KMT2A: variants seen among roughly 807,000 people sequenced by gnomAD.
KMT2A encodes lysine methyltransferase 2A.
Under a neutral mutation model 345.3 loss-of-function variants are expected in KMT2A, and 16 were observed. The observed-to-expected ratio is 0.05, with a 90% CI of 0.03 to 0.07. The LOEUF (loss-of-function observed/expected upper bound fraction) is 0.07, where lower values mean the gene tolerates loss of function less well. Among genes scored for constraint, KMT2A ranks in the 10% least tolerant of loss-of-function variants. The probability of loss-of-function intolerance (pLI) is 1.00; values close to 1 mark genes in which losing one functional copy is unlikely to be tolerated. For synonymous variants in KMT2A, 1,599 were observed against 1,778.6 expected (o/e 0.90, Z 2.54); for missense variants, 3,272 against 4,841.6 (o/e 0.68, Z 9.62).
At chr11:118,486,107 T>C (rs1169362577) in intron 10 of KMT2A, among the ~76,000 whole-genome samples, 1 of 152,042 alleles carries the variant, frequency 6.6e-6, no homozygotes, top group Non-Finnish European at 1.5e-5. Flanking sequence ...GTGTAGGGCA[T>C]ATATAATGGC....
intron 31 of KMT2A, among the ~76,000 whole-genome samples, chr11:118,515,777 C>T (rs1009042332): frequency 6.6e-6 from 1 of 151,180 alleles, no homozygotes; most frequent in African/African-American, 2.4e-5. Flanking sequence ...CAACCTCCGC[C>T]TCCCGGGTTC....
intron 24 of KMT2A, 133 bp from the exon 25 acceptor site, chr11:118,500,854 G>T: frequency 1.7e-6 from 1 of 578,218 alleles, no homozygotes. Flanking sequence ...TCTATACTAA[G>T]AACCCATAAA....
rs1951045428 is a variant in KMT2A at position 118,524,765 on chromosome 11, G to A, written c.*2593G>A. 5.5e-6 allele frequency: 1 copy of A among 181,376 alleles called. No individual in the cohort carries two copies. Among genetic ancestry groups the A allele is most frequent in the South Asian group, 2.0e-4 (1 of 5,078 alleles). The allele number at this position is 181,376 out of a possible 1,614,324, so 11.2% of individuals were successfully genotyped here. A position where few individuals can be genotyped will look rare whatever the true frequency, so the allele number is the denominator to read the frequency against. On this transcript the variant is annotated 3_prime_UTR_variant, in exon 36 of 36. Transcript: ENST00000534358. ...TACTGAAATGATTAATGCACTGATG[G>A]GTCCTGAATTCACCTTGAGAAAGAC...
At chr11:118,518,087 T>G (rs1346182170) in intron 31 of KMT2A, among the ~76,000 whole-genome samples, 1 of 152,210 alleles carries the variant, frequency 6.6e-6, no homozygotes, top group African/African-American at 2.4e-5. Flanking sequence ...ACAATTACAC[T>G]TATGAAATGG....
intron 8 of KMT2A, 97 bp downstream of exon 8, chr11:118,482,592 T>C (rs1555039670): frequency 1.8e-5 from 16 of 878,526 alleles, no homozygotes; most frequent in Non-Finnish European, 2.0e-5. Flanking sequence ...GGCAGTGGAA[T>C]TTCTTAAAAT....
Position 118,506,629 on chromosome 11 carries a change from C to G in KMT2A, c.10737C>G (p.Ser3579=). ...EAHIPDQETT[S]LTSGTGTPGA... is the part of the protein sequence containing the mutation. ...ACATTCCAGACCAAGAAACGACATC[C>G]CTGACCTCAGGCACAGGGTGAGAGA... Residue 3579 remains serine (S), a synonymous_variant, in exon 27 of 36, where the codon TCC becomes TCG. Transcript: ENST00000534358. 1 of 1,602,894 alleles carries G rather than the reference C, an allele frequency of 6.2e-7. No homozygotes were observed. The highest frequency in any genetic ancestry group is 8.5e-7 in the Non-Finnish European group (1 of 1,173,294).
chr11:118,500,847 A>C, intron 24 of KMT2A, 140 bp from the exon 25 acceptor site: 2 of 539,764 alleles, frequency 3.7e-6, no homozygotes, highest in African/African-American at 3.7e-5. Flanking sequence ...AGGGGAATCT[A>C]TACTAAGAAC....
chr11:118,522,701 A>G lies in KMT2A; in HGVS notation c.*529A>G, dbSNP rs1158791694. On this transcript the variant is annotated 3_prime_UTR_variant, in exon 36 of 36. Transcript: ENST00000534358. The surrounding 1 kb of genome is among the most constrained non-coding windows in gnomAD (Gnocchi z 5.4). ...CTACTATCCTCCCACTCGAGAGTTC[A>G]CTTCTGGTTGGGAGACAGGATTCCT... 15 of 216,584 alleles carry G rather than the reference A, an allele frequency of 6.9e-5. No individual in the cohort carries two copies. Among genetic ancestry groups the G allele is most frequent in the Admixed American group, 2.3e-4 (4 of 17,708 alleles). 13.4% of individuals were successfully genotyped at this position (216,584 alleles called of 1,614,324 possible).
rs1186580008 is a variant in KMT2A at position 118,504,279 on chromosome 11, G to A, written c.8387G>A (p.Gly2796Glu). 1 of 1,614,078 alleles carries A rather than the reference G, an allele frequency of 6.2e-7. No individual in the cohort carries two copies. The highest frequency in any genetic ancestry group is 8.5e-7 in the Non-Finnish European group (1 of 1,180,032). Residue 2796 changes from glycine (G) to glutamate (E), a missense_variant, in exon 27 of 36, where the codon GGA becomes GAA. Coordinates refer to ENST00000534358, the MANE Select transcript of KMT2A (RefSeq NM_001197104.2). This position sits in a 1 kb window ranked among gnomAD's most constrained non-coding sequence, Gnocchi z 6.4. Reference protein sequence around the residue: ...CHSVSRVKTQGQDSLEAQLSS... With the variant: ...CHSVSRVKTQEQDSLEAQLSS... The stretch of plus-strand genomic sequence containing the variant: ...TCTGTAAGCAGAGTTAAAACACAGG[G>A]ACAAGATTCCTTGGAAGCTCAGCTC...
chr11:118,487,662 T>C (rs1298350761), intron 10 of KMT2A, among the ~76,000 whole-genome samples: 1 of 152,196 alleles, frequency 6.6e-6, no homozygotes, highest in Non-Finnish European at 1.5e-5. Context: ...CTAAATATTT[T>C]AGTGTATATT....
rs202080031 is a variant in KMT2A, at chr11:118,462,312, T to TTTTTGTTTTG, written c.433-6438_433-6429dup. 2.2e-3 allele frequency among the ~76,000 whole-genome samples: 341 copies of TTTTTGTTTTG among 152,144 alleles called. 1 individual carries two copies. The highest frequency in any genetic ancestry group is 7.9e-3 in the African/African-American group (326 of 41,508). On this transcript the variant is annotated intron_variant, in intron 1 of 35. Coordinates refer to ENST00000534358, the MANE Select transcript of KMT2A (RefSeq NM_001197104.2). ...TTTCTCAACTTGGCTTTACTTAGTT[T>TTTTTGTTTTG]TTTTGTTTTGTTTTGTTTTGTTTTG...
intron 23 of KMT2A, 147 bp from the exon 24 acceptor site, chr11:118,499,688 A>C (rs782003557): frequency 1.8e-5 from 12 of 658,528 alleles, no homozygotes; most frequent in Non-Finnish European, 2.9e-5. Context: ...GCTGAGGCAC[A>C]GGAATCACTT....
rs111321181 is a variant in KMT2A, at chr11:118,473,337, A to G, written c.2178A>G (p.Thr726=). The change falls in exon 3 of 36, where the codon ACA becomes ACG. Residue 726 remains threonine (T), a synonymous_variant. Transcript: ENST00000534358. The surrounding 1 kb of genome is among the most constrained non-coding windows in gnomAD (Gnocchi z 5.2). Reference sequence around the variant, plus strand: ...CTAGTAATCGAACTTCTGCTGGAACATCTTCTTCAGGAGTATCCAATAGAA... The same window carrying G: ...CTAGTAATCGAACTTCTGCTGGAACGTCTTCTTCAGGAGTATCCAATAGAA... ...TLPSNRTSAG[T]SSSGVSNRKR... The G allele has an allele frequency of 3.1e-6, 5 of 1,613,990 alleles. No homozygotes were observed. Among genetic ancestry groups the G allele is most frequent in the African/African-American group, 2.7e-5 (2 of 74,998 alleles).
chr11:118,475,795 G>C (rs782603151), intron 3 of KMT2A, among the ~76,000 whole-genome samples: 1 of 152,196 alleles, frequency 6.6e-6, no homozygotes, highest in Non-Finnish European at 1.5e-5. Flanking sequence ...TCTGCCAGTT[G>C]AGAATTGTAG....
Position 118,526,247 on chromosome 11 carries a change from C to T in KMT2A, c.*4075C>T. On this transcript the variant is annotated 3_prime_UTR_variant, in exon 36 of 36. Coordinates refer to ENST00000534358, the MANE Select transcript of KMT2A (RefSeq NM_001197104.2). ...GATTTTTTTCTGCCCATGAATGTTG[C>T]CAGTCAGTACCTGTCCTCCTTGTTT... The T allele has an allele frequency of 4.6e-6, 1 of 219,222 alleles. No homozygotes were observed. Among genetic ancestry groups the T allele is most frequent in the Non-Finnish European group, 9.2e-6 (1 of 109,238 alleles). 13.6% of individuals were successfully genotyped at this position (219,222 alleles called of 1,614,324 possible).
Position 118,436,584 on chromosome 11 carries a change from C to T in KMT2A, c.72C>T (p.Arg24=). The change falls in exon 1 of 36, where the codon CGC becomes CGT. Residue 24 remains arginine (R), a synonymous_variant. Coordinates refer to ENST00000534358, the MANE Select transcript of KMT2A (RefSeq NM_001197104.2). This position sits in a 1 kb window ranked among gnomAD's most constrained non-coding sequence, Gnocchi z 6.9. The part of the protein sequence containing the change: ...GTTGGGGGGG[R]RGLGGAPRQR... ...CCGGGGGCGGCGGCGGCGGGGGGCG[C>T]CGGGGCCTAGGGGGCGCCCCGCGGC... is the stretch of plus-strand genomic sequence containing the variant. The T allele has an allele frequency of 8.5e-7, 1 of 1,180,326 alleles. No individual in the cohort carries two copies. Among genetic ancestry groups the T allele is most frequent in the Non-Finnish European group, 1.1e-6 (1 of 946,006 alleles). The allele number at this position is 1,180,326 out of a possible 1,614,324, so 73.1% of individuals were successfully genotyped here. A position where few individuals can be genotyped will look rare whatever the true frequency, so the allele number is the denominator to read the frequency against.
Position 118,506,098 on chromosome 11 carries a change from A to C in KMT2A, c.10206A>C (p.Leu3402Phe). 1 of 1,614,150 alleles carries C rather than the reference A, an allele frequency of 6.2e-7. No homozygotes were observed. Among genetic ancestry groups the C allele is most frequent in the Non-Finnish European group, 8.5e-7 (1 of 1,180,028 alleles). Residue 3402 changes from leucine to phenylalanine, a missense_variant, in exon 27 of 36, where the codon TTA becomes TTC. Around this residue, in one of 27 missense-constraint regions of KMT2A, gnomAD observed 748 missense variants for 922.2 expected, o/e 0.81. Transcript: ENST00000534358. ...SLGIQDQPVA[L>F]PPSSGMFPQL... is the part of the protein sequence containing the mutation. ...GGATTCAGGACCAGCCTGTGGCTTT[A>C]CCGCCAAGTTCAGGAATGTTTCCAC...
At chr11:118,440,027 C>G (rs1197254750) in intron 1 of KMT2A, among the ~76,000 whole-genome samples, 1 of 151,958 alleles carries the variant, frequency 6.6e-6, no homozygotes, top group Non-Finnish European at 1.5e-5. Flanking sequence ...AAGACTGCTT[C>G]TCAGAACTCA....
chr11:118,495,944 A>G lies in KMT2A; in HGVS notation c.5557+51A>G, dbSNP rs370434090. 5 of 1,433,718 alleles carry G rather than the reference A, an allele frequency of 3.5e-6. No individual in the cohort carries two copies. Among genetic ancestry groups the G allele is most frequent in the Non-Finnish European group, 3.8e-6 (4 of 1,046,702 alleles). The allele number at this position is 1,433,718 out of a possible 1,614,324, so 88.8% of individuals were successfully genotyped here. On this transcript the variant is annotated intron_variant, in intron 19 of 35. Transcript: ENST00000534358. This position sits in a 1 kb window ranked among gnomAD's most constrained non-coding sequence, Gnocchi z 4.1. The stretch of plus-strand genomic sequence containing the variant: ...ACCCATTTCCCTCTAGATGCAGATG[A>G]TTGACTTCGTGAATCCAATTCACTA...
Sources: gnomAD v4.1 joint callset for allele counts (sites outside exome capture counted in the v4.1 genomes callset) on GRCh38, gnomAD v4.1.1 for gene constraint, gnomAD v4.1.1 regional missense constraint, Gnocchi (gnomAD v3.1) non-coding constraint, MANE v1.5 for transcripts, NCBI Gene and HGNC (gene_info 2026-07-23, HGNC 2026-07-21) for gene names.